The following CAMKK2 variants were observed in gnomAD, a reference collection of about 807,000 sequenced individuals.
CAMKK2 encodes calcium/calmodulin-dependent protein kinase kinase 2.
In CAMKK2, 30 loss-of-function variants were observed where a neutral mutation model predicts 67.2. The observed-to-expected ratio is 0.45, with a 90% CI of 0.33 to 0.61. The LOEUF (loss-of-function observed/expected upper bound fraction) is 0.61. Ranked by LOEUF, CAMKK2 falls within the 20% of genes least tolerant of loss-of-function variation. CAMKK2 has a pLI of 0.02. For synonymous variants in CAMKK2, 322 were observed against 326.2 expected, an observed-to-expected ratio of 0.99 and a Z score of 0.14; for missense variants, 643 against 802.0, an observed-to-expected ratio of 0.80 and a Z score of 2.39.
chr12:121,248,253 G>A (rs1889902450), intron 14 of CAMKK2, among the ~76,000 whole-genome samples: 1 of 152,180 alleles, frequency 6.6e-6, no homozygotes, highest in Non-Finnish European at 1.5e-5. Context: ...CATCCACCCT[G>A]GAGCCTAAAA....
rs1593472822 is a variant in CAMKK2, at chr12:121,281,861, G to A, written c.-59-7276C>T. Among the ~76,000 whole-genome samples the A allele has an allele frequency of 2.6e-5, 4 of 152,224 alleles. No homozygotes were observed. The South Asian group carries it at 8.3e-4, about 31-fold the overall frequency. On this transcript the variant is annotated intron_variant, in intron 1 of 16. Transcript: ENST00000404169. ...CTTGGGAGGCTGAGGCAGGAGAATC[G>A]CTTGAGCCTGGGAGGCAGAGGTTGT...
At chr12:121,255,886 T>C in intron 7 of CAMKK2, 82 bp from the exon 8 acceptor site, 1 of 1,282,344 alleles carries the variant, frequency 7.8e-7, no homozygotes, top group African/African-American at 1.5e-5. Flanking sequence ...CCCAACCACC[T>C]CCAGAAACAC....
intron 1 of CAMKK2, among the ~76,000 whole-genome samples, chr12:121,275,175 A>C (rs1377115281): frequency 6.6e-6 from 1 of 152,046 alleles, no homozygotes; most frequent in Non-Finnish European, 1.5e-5. Flanking sequence ...TTATTTTTAA[A>C]TGCTGGGCAT....
chr12:121,274,283 G>A lies in CAMKK2; in HGVS notation c.244C>T (p.Pro82Ser). 6.2e-7 allele frequency: 1 copy of A among 1,612,312 alleles called. No individual in the cohort carries two copies. Among genetic ancestry groups the A allele is most frequent in the Non-Finnish European group, 8.5e-7 (1 of 1,179,082 alleles). Residue 82 changes from proline to serine, a missense_variant, in exon 2 of 17, where the codon CCC (proline) becomes TCC (serine). Physicochemically the swap from Pro to Ser is moderately conservative, Grantham distance 74. Around this residue, in one of 3 missense-constraint regions of CAMKK2, gnomAD observed 483 missense variants for 625.8 expected, o/e 0.77. Transcript: ENST00000404169. ...GCCTGGGACCCGGAGGTGTCAAGGGGGACCTCTTGGCCATCGGCCTCCAGG... is the reference window on the plus strand; with the variant it reads ...GCCTGGGACCCGGAGGTGTCAAGGGAGACCTCTTGGCCATCGGCCTCCAGG... ...RPLEADGQEV[P>S]LDTSGSQARP...
At chr12:121,287,656 A>G (rs1000556147) in intron 1 of CAMKK2, among the ~76,000 whole-genome samples, 1 of 152,216 alleles carries the variant, frequency 6.6e-6, no homozygotes, top group Non-Finnish European at 1.5e-5. Flanking sequence ...GGCCCCAGTC[A>G]CGCAGTCAGA....
intron 1 of CAMKK2, among the ~76,000 whole-genome samples, chr12:121,293,013 C>G (rs528151168): frequency 6.7e-6 from 1 of 149,502 alleles, no homozygotes; most frequent in East Asian, 2.0e-4. Context: ...CCGTGGCTCA[C>G]GCCTGTAATC....
At chr12:121,243,790 G>T in intron 16 of CAMKK2, 2 of 962,474 alleles carry the variant, frequency 2.1e-6, no homozygotes, top group Non-Finnish European at 2.7e-6. Context: ...CACTTCCCGT[G>T]GGTGAATTAC....
At chr12:121,279,813 G>A (rs1384944068) in intron 1 of CAMKK2, among the ~76,000 whole-genome samples, 1 of 152,220 alleles carries the variant, frequency 6.6e-6, no homozygotes, top group East Asian at 1.9e-4. Context: ...ATGGACCCGG[G>A]ACCCGGGCCA....
At chr12:121,246,214 T>C (rs1889413283) in intron 14 of CAMKK2, among the ~76,000 whole-genome samples, 1 of 148,950 alleles carries the variant, frequency 6.7e-6, no homozygotes. Flanking sequence ...CACTTTAATT[T>C]TATGTTATGT....
Position 121,244,623 on chromosome 12 carries a change from C to T in CAMKK2, c.1554-8G>A, listed in dbSNP as rs1395109699. ...TCCCTGGTTGGTTTTTTGCTGGAAT[C>T]ACCAGAGGGAGGGAAAAGGGAAGTG... On this transcript the variant is annotated splice_polypyrimidine_tract_variant and splice_region_variant and intron_variant, in intron 15 of 16. Coordinates refer to ENST00000404169, the MANE Select transcript of CAMKK2 (RefSeq NM_001270485.2). 1.9e-6 allele frequency: 3 copies of T among 1,561,232 alleles called. No individual in the cohort carries two copies. Among genetic ancestry groups the T allele is most frequent in the East Asian group, 2.4e-5 (1 of 42,340 alleles).
chr12:121,280,047 C>T (rs1044704906), intron 1 of CAMKK2, among the ~76,000 whole-genome samples: 10 of 152,232 alleles, frequency 6.6e-5, no homozygotes, highest in South Asian at 4.1e-4. Context: ...AAAACAGCTC[C>T]GAGGATCCTG....
At position 121,253,306 on chromosome 12, in the gene CAMKK2, C is replaced by T. The variant is rs759546975; in HGVS notation, c.1074G>A (p.Ser358=). 50 of 1,614,082 alleles carry T rather than the reference C, an allele frequency of 3.1e-5. No individual in the cohort carries two copies. Among genetic ancestry groups the T allele is most frequent in the Admixed American group, 1.2e-4 (7 of 59,998 alleles). The change falls in exon 10 of 17, where the codon TCG becomes TCA. Residue 358 remains serine (S), a synonymous_variant. Transcript: ENST00000404169. This position sits in a 1 kb window ranked among gnomAD's most constrained non-coding sequence, Gnocchi z 5.0. ...VGTPAFMAPE[S]LSETRKIFSG... is the part of the protein sequence containing the mutation. ...AGAAGATCTTGCGGGTCTCAGAGAG[C>T]GACTCGGGTGCCATGAAGGCGGGCG...
intron 6 of CAMKK2, among the ~76,000 whole-genome samples, chr12:121,260,868 G>A (rs1161814989): frequency 2.6e-5 from 4 of 151,162 alleles, no homozygotes; most frequent in African/African-American, 9.8e-5. Flanking sequence ...CAGGAGAATC[G>A]CTTGAACCTG....
intron 7 of CAMKK2, 32 bp downstream of exon 7, chr12:121,260,287 G>T (rs1332588888): frequency 1.4e-5 from 23 of 1,590,436 alleles, no homozygotes; most frequent in Non-Finnish European, 1.9e-5. Flanking sequence ...TGGTGCCTGG[G>T]TGAGGGTGGC....
intron 1 of CAMKK2, among the ~76,000 whole-genome samples, chr12:121,280,123 G>A (rs1897497601): frequency 6.6e-6 from 1 of 152,188 alleles, no homozygotes; most frequent in African/African-American, 2.4e-5. Flanking sequence ...GGCTCAGCCA[G>A]CCAAAGTCAG....
intron 7 of CAMKK2, among the ~76,000 whole-genome samples, chr12:121,256,105 G>A (rs1042511245): frequency 5.3e-5 from 8 of 152,320 alleles, no homozygotes; most frequent in African/African-American, 9.6e-5. Context: ...GGCTGGGCAC[G>A]GTGGCTCACG....
intron 6 of CAMKK2, among the ~76,000 whole-genome samples, chr12:121,261,624 A>G (rs948276618): frequency 6.6e-6 from 1 of 152,250 alleles, no homozygotes; most frequent in Non-Finnish European, 1.5e-5. Flanking sequence ...AGGCACACCC[A>G]GGGCCTTGTC....
At chr12:121,259,941 G>A (rs1352845217) in intron 7 of CAMKK2, among the ~76,000 whole-genome samples, 3 of 152,106 alleles carry the variant, frequency 2.0e-5, no homozygotes, top group Non-Finnish European at 1.5e-5. Context: ...AAATTAGCTG[G>A]GTATGGTGGC....
intron 13 of CAMKK2, among the ~76,000 whole-genome samples, chr12:121,249,161 A>G (rs1042741322): frequency 3.9e-5 from 6 of 152,214 alleles, no homozygotes; most frequent in African/African-American, 1.4e-4. Context: ...CAGGATCAGG[A>G]GAGGACCCAG....
Sources: allele counts gnomAD v4.1 joint callset (sites outside exome capture counted in the v4.1 genomes callset), GRCh38; gene constraint gnomAD v4.1.1; regional missense constraint gnomAD v4.1.1; non-coding constraint Gnocchi (gnomAD v3.1); transcripts MANE v1.5; gene names NCBI Gene and HGNC (gene_info 2026-07-23, HGNC 2026-07-21).